VWA5B1: variants seen among roughly 807,000 people sequenced by gnomAD.
VWA5B1 encodes von Willebrand factor A domain containing 5B1.
Under a neutral mutation model 118.2 loss-of-function variants are expected in VWA5B1, and 115 were observed. That is an observed-to-expected ratio of 0.97 (90% CI 0.84 to 1.14). The LOEUF is 1.14. Ranked by LOEUF, VWA5B1 falls within the 50% of genes most tolerant of loss-of-function variation. The probability of loss-of-function intolerance (pLI) is 0.00; values close to 1 mark genes in which losing one functional copy is unlikely to be tolerated. For missense variants in VWA5B1, 1,596 were observed against 1,603.8 expected (o/e 1.00, Z 0.08); for synonymous variants, 682 against 658.4 (o/e 1.04, Z -0.55).
intron 1 of VWA5B1, among the ~76,000 whole-genome samples, chr1:20,301,014 C>T (rs2088492075): frequency 6.6e-6 from 1 of 152,254 alleles, no homozygotes; most frequent in Non-Finnish European, 1.5e-5. Context: ...CCCACAAAGC[C>T]TCTCTGTGGA....
intron 17 of VWA5B1, among the ~76,000 whole-genome samples, chr1:20,347,460 G>C (rs1242609011): frequency 1.3e-5 from 2 of 148,406 alleles, no homozygotes; most frequent in Non-Finnish European, 3.0e-5. Flanking sequence ...TTTTTTCTTT[G>C]AGAGAGTCTT....
chr1:20,334,742 CAG>C (rs1291876635), intron 12 of VWA5B1, among the ~76,000 whole-genome samples: 1 of 152,122 alleles, frequency 6.6e-6, no homozygotes, highest in Non-Finnish European at 1.5e-5. Flanking sequence ...ACCCGGAAGA[CAG>C]AGGTTGCAGT....
chr1:20,296,746 A>G (rs1431815575), intron 1 of VWA5B1, among the ~76,000 whole-genome samples: 2 of 152,234 alleles, frequency 1.3e-5, no homozygotes, highest in Non-Finnish European at 2.9e-5. Context: ...TCTCAAAATG[A>G]AATCCCAACT....
rs966389615 is a variant in VWA5B1, at chr1:20,318,526, A to C, written c.710-64A>C. 1.9e-6 allele frequency: 3 copies of C among 1,543,522 alleles called. No homozygotes were observed. In the African/African-American group the frequency reaches 4.1e-5, roughly 21 times the overall value. ...TCTGGCCTGGATCTCGGTGTGCCCCAGCGAACTCCTCTCTCTCCTGACCTC... is the reference window on the plus strand; with the variant it reads ...TCTGGCCTGGATCTCGGTGTGCCCCCGCGAACTCCTCTCTCTCCTGACCTC... On this transcript the variant is annotated intron_variant, in intron 5 of 21. Coordinates refer to ENST00000289815, the MANE Select transcript of VWA5B1 (RefSeq NM_001039500.3).
intron 3 of VWA5B1, among the ~76,000 whole-genome samples, chr1:20,313,564 G>T (rs2088911479): frequency 6.6e-6 from 1 of 152,234 alleles, no homozygotes; most frequent in African/African-American, 2.4e-5. Context: ...AAAGACAGCT[G>T]TTACTGCCTT....
At chr1:20,292,773 G>C (rs1220552529) in intron 1 of VWA5B1, among the ~76,000 whole-genome samples, 2 of 152,230 alleles carry the variant, frequency 1.3e-5, no homozygotes, top group Non-Finnish European at 2.9e-5. Flanking sequence ...GCTGGCATCT[G>C]TCTGCAGGGA....
chr1:20,300,300 A>G (rs1356961443), intron 1 of VWA5B1, among the ~76,000 whole-genome samples: 3 of 152,170 alleles, frequency 2.0e-5, no homozygotes, highest in African/African-American at 7.2e-5. Context: ...AGGAATGAGT[A>G]TACATCTTCA....
intron 16 of VWA5B1, among the ~76,000 whole-genome samples, chr1:20,344,969 T>A (rs2089976451): frequency 6.6e-6 from 1 of 152,178 alleles, no homozygotes; most frequent in Non-Finnish European, 1.5e-5. Context: ...TGATCTCAGA[T>A]CCGTTCCTAA....
Position 20,312,909 on chromosome 1 carries a change from G to A in VWA5B1, c.213G>A (p.Val71=). ...GFEAVIADRV[V]TVQIKDKAKL... ...AGGCAGTCATTGCCGACCGTGTCGT[G>A]ACAGTACAGATCAAGGACAAAGCCA... The change falls in exon 3 of 22, where the codon GTG becomes GTA. Residue 71 remains valine, a synonymous_variant. Transcript: ENST00000289815. 1 of 1,551,692 alleles carries A rather than the reference G, an allele frequency of 6.4e-7. No homozygotes were observed. Among genetic ancestry groups the A allele is most frequent in the Non-Finnish European group, 8.7e-7 (1 of 1,147,002 alleles).
At chr1:20,339,699 T>C (rs1488401448) in intron 14 of VWA5B1, among the ~76,000 whole-genome samples, 1 of 149,030 alleles carries the variant, frequency 6.7e-6, no homozygotes, top group African/African-American at 2.5e-5. Context: ...CACTTACACA[T>C]AAGCCCGCTC....
chr1:20,317,635 C>T lies in VWA5B1; in HGVS notation c.669C>T (p.Phe223=). The T allele has an allele frequency of 6.4e-7, 1 of 1,551,634 alleles. No individual in the cohort carries two copies. The highest frequency in any genetic ancestry group is 8.7e-7 in the Non-Finnish European group (1 of 1,146,900). The stretch of plus-strand genomic sequence containing the variant: ...TGTCCAACCCCATGGAGTATGAGTT[C>T]AACTTCCAGCTGGAGATCCGTGGGC... ...TEVSNPMEYE[F]NFQLEIRGPC... The change falls in exon 5 of 22, where the codon TTC becomes TTT. Residue 223 remains phenylalanine (F), a synonymous_variant. Transcript: ENST00000289815.
intron 1 of VWA5B1, among the ~76,000 whole-genome samples, chr1:20,303,593 G>T (rs1048841931): frequency 6.6e-6 from 1 of 152,180 alleles, no homozygotes; most frequent in Non-Finnish European, 1.5e-5. Flanking sequence ...GCAGAGCCCA[G>T]CAGAGTGACT....
chr1:20,358,880 G>A lies in VWA5B1; in HGVS notation c.*4617G>A, dbSNP rs946875967. Among the ~76,000 whole-genome samples the A allele has an allele frequency of 1.3e-4, 20 of 152,178 alleles. No homozygotes were observed. Among genetic ancestry groups the A allele is most frequent in the African/African-American group, 4.8e-4 (20 of 41,452 alleles). Reference sequence around the variant, plus strand: ...GTGGCATTTTGCAGCTGGGTAATCTGATCCGCAGAGATCTGTCCAAGGTCA... The same window carrying A: ...GTGGCATTTTGCAGCTGGGTAATCTAATCCGCAGAGATCTGTCCAAGGTCA... On this transcript the variant is annotated 3_prime_UTR_variant, in exon 22 of 22. Coordinates refer to ENST00000289815, the MANE Select transcript of VWA5B1 (RefSeq NM_001039500.3).
chr1:20,336,266 C>T lies in VWA5B1; in HGVS notation c.1759-37C>T, dbSNP rs1300275100. Reference sequence around the variant, plus strand: ...TGCGGAAGTCCTTCCTGACACCTAGCCTCACTCCTAGCCCTCTTTTCTGTT... The same window carrying T: ...TGCGGAAGTCCTTCCTGACACCTAGTCTCACTCCTAGCCCTCTTTTCTGTT... On this transcript the variant is annotated intron_variant, in intron 12 of 21. Transcript: ENST00000289815. The T allele has an allele frequency of 2.3e-6, 3 of 1,319,984 alleles. No individual in the cohort carries two copies. The African/African-American group carries it at 4.5e-5, about 20-fold the overall frequency. The allele number at this position is 1,319,984 out of a possible 1,614,324, so 81.8% of individuals were successfully genotyped here.
intron 7 of VWA5B1, among the ~76,000 whole-genome samples, chr1:20,320,295 C>T (rs1282581675): frequency 7.2e-5 from 11 of 152,208 alleles, no homozygotes; most frequent in African/African-American, 1.2e-4. Context: ...GGGATGAGAA[C>T]GGATTCTGTG....
chr1:20,311,688 G>A (rs1159866724), intron 2 of VWA5B1, among the ~76,000 whole-genome samples: 10 of 152,170 alleles, frequency 6.6e-5, no homozygotes, highest in Admixed American at 6.5e-4. Flanking sequence ...CCGCAGTGAT[G>A]GGGCCTCATA....
intron 18 of VWA5B1, chr1:20,349,257 C>T (rs1310942077): frequency 1.4e-5 from 6 of 415,518 alleles, no homozygotes; most frequent in African/African-American, 1.0e-4. Context: ...ACCAGCTCCA[C>T]CCCTGAGCCA....
At chr1:20,295,125 G>A (rs1214528093) in intron 1 of VWA5B1, among the ~76,000 whole-genome samples, 4 of 152,110 alleles carry the variant, frequency 2.6e-5, no homozygotes, top group Non-Finnish European at 5.9e-5. Context: ...GGAGGAGGTG[G>A]GTTTGAAGGG....
At chr1:20,313,101 G>A in intron 3 of VWA5B1, 113 bp downstream of exon 3, 2 of 1,359,818 alleles carry the variant, frequency 1.5e-6, no homozygotes, top group Non-Finnish European at 2.0e-6. Flanking sequence ...GGCAGAAAGA[G>A]CACTGAACTA....
Sources: gnomAD v4.1 joint callset for allele counts (sites outside exome capture counted in the v4.1 genomes callset) on GRCh38, gnomAD v4.1.1 for gene constraint, MANE v1.5 for transcripts, NCBI Gene and HGNC (gene_info 2026-07-23, HGNC 2026-07-21) for gene names.